Variants in FHIP1A observed in about 807,000 individuals in gnomAD.
FHIP1A encodes the protein FHF complex subunit HOOK interacting protein 1A.
In FHIP1A, 61 loss-of-function variants were observed where a neutral mutation model predicts 88.6. The ratio of observed to expected loss-of-function variants is 0.69; its 90% CI spans 0.56 to 0.85. The LOEUF is 0.85. FHIP1A is among the 40% of genes least tolerant of loss of function. FHIP1A has a pLI of 0.00. For missense variants in FHIP1A, 1,154 were observed against 1,273.5 expected (o/e 0.91, Z 1.43); for synonymous variants, 478 against 496.0 (o/e 0.96, Z 0.48).
chr4:151,526,590 G>A (rs1218708095), intron 3 of FHIP1A, among the ~76,000 whole-genome samples: 55 of 146,978 alleles, frequency 3.7e-4, no homozygotes, highest in Middle Eastern at 3.8e-3. Flanking sequence ...CCTCCCGGAC[G>A]GGGCGGCTGG....
chr4:151,513,303 C>T (rs866153044), intron 3 of FHIP1A, among the ~76,000 whole-genome samples: 18 of 152,268 alleles, frequency 1.2e-4, no homozygotes, highest in Middle Eastern at 3.4e-3. Flanking sequence ...CTGAAGGAAG[C>T]ACTAAACATG....
chr4:151,517,900 G>A (rs1205688900), intron 3 of FHIP1A, among the ~76,000 whole-genome samples: 1 of 152,094 alleles, frequency 6.6e-6, no homozygotes, highest in African/African-American at 2.4e-5. Flanking sequence ...TAGGCAAAGT[G>A]TTAATACAGA....
chr4:151,470,955 A>C (rs1237848626), intron 2 of FHIP1A, among the ~76,000 whole-genome samples: 1 of 152,184 alleles, frequency 6.6e-6, no homozygotes, highest in African/African-American at 2.4e-5. Flanking sequence ...CTAATTGCCT[A>C]CAATGCTGGC....
At position 151,425,082 on chromosome 4, in the gene FHIP1A, GAGAT is replaced by G. The variant is rs1210358039; in HGVS notation, c.-356+15622_-356+15625del. On this transcript the variant is annotated intron_variant, in intron 1 of 13. Transcript: ENST00000435205. ...CAATCTTACCATTACAAAAGAGAAA[GAGAT>G]AGATGTTACATGCCTCTTAATTGGA... Among the ~76,000 whole-genome samples the G allele has an allele frequency of 5.3e-5, 8 of 152,288 alleles. No homozygotes were observed. In the South Asian group the frequency reaches 8.3e-4, roughly 16 times the overall value.
intron 4 of FHIP1A, among the ~76,000 whole-genome samples, chr4:151,575,352 G>A (rs1733747225): frequency 6.6e-6 from 1 of 152,218 alleles, no homozygotes; most frequent in Admixed American, 6.5e-5. Flanking sequence ...GTGTGGTACT[G>A]TGATTGCATT....
At chr4:151,575,679 G>C (rs1020511685) in intron 4 of FHIP1A, among the ~76,000 whole-genome samples, 1 of 152,164 alleles carries the variant, frequency 6.6e-6, no homozygotes, top group African/African-American at 2.4e-5. Flanking sequence ...CTTTATAATG[G>C]AAGTCAATAG....
intron 5 of FHIP1A, among the ~76,000 whole-genome samples, chr4:151,583,214 GAA>G (rs1175067752): frequency 6.6e-6 from 1 of 152,192 alleles, no homozygotes; most frequent in African/African-American, 2.4e-5. Context: ...TAAAGATTTA[GAA>G]TCTTGTTTCT....
chr4:151,603,789 A>G (rs1734966361), intron 7 of FHIP1A, among the ~76,000 whole-genome samples: 1 of 152,150 alleles, frequency 6.6e-6, no homozygotes, highest in Non-Finnish European at 1.5e-5. Context: ...CTTCCCAAAT[A>G]TAGTGCCAAC....
intron 2 of FHIP1A, among the ~76,000 whole-genome samples, chr4:151,469,808 C>A (rs1652105031): frequency 1.3e-5 from 2 of 152,180 alleles, no homozygotes; most frequent in South Asian, 4.1e-4. Flanking sequence ...AGATACCTTT[C>A]AAAATCCTGT....
At chr4:151,428,531 T>G (rs1172726837) in intron 1 of FHIP1A, among the ~76,000 whole-genome samples, 1 of 152,172 alleles carries the variant, frequency 6.6e-6, no homozygotes, top group Non-Finnish European at 1.5e-5. Context: ...CTCTTCTACC[T>G]CACCCTTAGT....
chr4:151,516,367 T>A (rs1731236491), intron 3 of FHIP1A, among the ~76,000 whole-genome samples: 2 of 151,762 alleles, frequency 1.3e-5, no homozygotes, highest in South Asian at 2.1e-4. Flanking sequence ...AACCTAGGCA[T>A]TACCATTCAG....
At chr4:151,425,865 A>G (rs1303410555) in intron 1 of FHIP1A, among the ~76,000 whole-genome samples, 1 of 152,178 alleles carries the variant, frequency 6.6e-6, no homozygotes, top group Non-Finnish European at 1.5e-5. Flanking sequence ...TTATAAGGAT[A>G]CATGTGTGCT....
intron 7 of FHIP1A, among the ~76,000 whole-genome samples, chr4:151,599,051 C>T (rs1159600582): frequency 6.6e-6 from 1 of 152,154 alleles, no homozygotes; most frequent in East Asian, 1.9e-4. Context: ...CCAAAATACA[C>T]ATGGTCTCCA....
At chr4:151,578,627 A>G (rs1733903958) in intron 5 of FHIP1A, among the ~76,000 whole-genome samples, 1 of 152,082 alleles carries the variant, frequency 6.6e-6, no homozygotes, top group African/African-American at 2.4e-5. Context: ...AGGAGTAGAA[A>G]CTCTCATTTG....
At chr4:151,471,906 A>G (rs559296108) in intron 2 of FHIP1A, among the ~76,000 whole-genome samples, 2 of 152,186 alleles carry the variant, frequency 1.3e-5, no homozygotes, top group Non-Finnish European at 2.9e-5. Context: ...ACTTAGAATA[A>G]TATTCTCCAG....
intron 3 of FHIP1A, among the ~76,000 whole-genome samples, chr4:151,503,239 A>G (rs991064954): frequency 3.3e-5 from 5 of 152,184 alleles, no homozygotes. Flanking sequence ...AGAACTTGGC[A>G]TGAATGGCAT....
intron 3 of FHIP1A, among the ~76,000 whole-genome samples, chr4:151,539,170 G>C (rs138074022): frequency 3.3e-5 from 5 of 152,234 alleles, no homozygotes; most frequent in African/African-American, 1.2e-4. Context: ...GAAAGCCACA[G>C]ATATTCCCTC....
rs376335318 is a variant in FHIP1A at position 151,608,037 on chromosome 4, C to CTTTTTTTTTTTTTTTTTTT, written c.978+19118_978+19136dup. The stretch of plus-strand genomic sequence containing the variant: ...TTTTCTTTTCTTTTTCTTTCTTCTT[C>CTTTTTTTTTTTTTTTTTTT]TTTTTTTTTTTTTTTTTTTTTTTTT... On this transcript the variant is annotated intron_variant, in intron 7 of 13. Transcript: ENST00000435205. 6.4e-4 allele frequency among the ~76,000 whole-genome samples: 43 copies of CTTTTTTTTTTTTTTTTTTT among 67,144 alleles called. 3 individuals are homozygous for CTTTTTTTTTTTTTTTTTTT. The highest frequency in any genetic ancestry group is 8.8e-4 in the East Asian group (2 of 2,268). 44.0% of individuals were successfully genotyped at this position (67,144 alleles called of 152,430 possible).
intron 3 of FHIP1A, among the ~76,000 whole-genome samples, chr4:151,485,282 GTTTTTTTT>G (rs74327398): frequency 8.4e-6 from 1 of 118,730 alleles, no homozygotes. Context: ...ATCTTTTCCA[GTTTTTTTT>G]TTTTTTTTTT....
Sources: allele counts gnomAD v4.1 joint callset (sites outside exome capture counted in the v4.1 genomes callset), GRCh38; gene constraint gnomAD v4.1.1; transcripts MANE v1.5; gene names NCBI Gene and HGNC (gene_info 2026-07-23, HGNC 2026-07-21).